The following CPQ variants were observed in gnomAD, a reference collection of about 807,000 sequenced individuals.
The protein encoded by CPQ is Ser-Met dipeptidase.
A neutral mutation model predicts 45.7 loss-of-function variants in CPQ; 37 were observed. The ratio of observed to expected loss-of-function variants is 0.81; its 90% confidence interval spans 0.62 to 1.07. The LOEUF (loss-of-function observed/expected upper bound fraction) is 1.07. Ranked by LOEUF, CPQ falls within the 50% of genes least tolerant of loss-of-function variation. The probability of loss-of-function intolerance (pLI) is 0.00; values close to 1 mark genes in which losing one functional copy is unlikely to be tolerated. For missense variants in CPQ, 537 were observed against 572.9 expected (o/e 0.94, Z 0.64); for synonymous variants, 186 against 205.8 (o/e 0.90, Z 0.82).
intron 6 of CPQ, among the ~76,000 whole-genome samples, chr8:97,043,982 G>A (rs1449505158): frequency 6.6e-6 from 1 of 152,124 alleles, no homozygotes; most frequent in East Asian, 1.9e-4. Context: ...TCTTCTCAAG[G>A]AGTATCTTTG....
chr8:96,866,176 C>T, intron 3 of CPQ, among the ~76,000 whole-genome samples: 1 of 151,992 alleles, frequency 6.6e-6, no homozygotes, highest in Non-Finnish European at 1.5e-5. Flanking sequence ...TTAATTTAAC[C>T]CATGAGTCCT....
intron 3 of CPQ, among the ~76,000 whole-genome samples, chr8:96,854,557 A>AAAAAAAAAAAAAAAAAAAAC (rs1554573253): frequency 1.3e-5 from 1 of 76,866 alleles, no homozygotes; most frequent in African/African-American, 5.0e-5. Flanking sequence ...AAAAAAAAAA[A>AAAAAAAAAAAAAAAAAAAAC]AATGTGGTGG....
intron 4 of CPQ, among the ~76,000 whole-genome samples, chr8:96,900,498 A>G (rs1274986277): frequency 1.3e-5 from 2 of 152,202 alleles, no homozygotes; most frequent in East Asian, 3.8e-4. Context: ...ATCGATAGAT[A>G]GTTGTTTGTA....
At chr8:97,092,165 G>A (rs1039095764) in intron 7 of CPQ, among the ~76,000 whole-genome samples, 2 of 152,270 alleles carry the variant, frequency 1.3e-5, no homozygotes, top group East Asian at 3.9e-4. Flanking sequence ...AGGGGAAAAT[G>A]TATGGGATGA....
chr8:96,971,097 T>C (rs999848763), intron 5 of CPQ, among the ~76,000 whole-genome samples: 1 of 152,214 alleles, frequency 6.6e-6, no homozygotes, highest in African/African-American at 2.4e-5. Context: ...CCCTGCGGCA[T>C]TTTTTGAGGT....
chr8:96,777,741 TATATATATATATATA>T (rs1810626533), intron 1 of CPQ, among the ~76,000 whole-genome samples: 1 of 11,024 alleles, frequency 9.1e-5, no homozygotes, highest in African/African-American at 3.3e-4. Flanking sequence ...TATATATATA[TATATATATATATATA>T]TATATTTTTT....
chr8:96,902,476 T>G lies in CPQ; in HGVS notation c.849+22471T>G, dbSNP rs1812523961. ...CATGTACCTGTTTCTGAGGCAGAGG[T>G]TCTCATGTATTATAAATTTCCTTGA... is the stretch of plus-strand genomic sequence containing the variant. On this transcript the variant is annotated intron_variant, in intron 4 of 7. Transcript: ENST00000220763. Among the ~76,000 whole-genome samples, 2 of 152,072 alleles carry G rather than the reference T, an allele frequency of 1.3e-5. 1 individual carries two copies. The highest frequency in any genetic ancestry group is 4.1e-4 in the South Asian group (2 of 4,836).
chr8:97,053,729 A>G (rs550386427), intron 6 of CPQ, among the ~76,000 whole-genome samples: 5 of 152,344 alleles, frequency 3.3e-5, no homozygotes, highest in Admixed American at 3.3e-4. Context: ...ATCTGAATCA[A>G]CTTTCTAAAA....
intron 5 of CPQ, among the ~76,000 whole-genome samples, chr8:97,001,559 T>G: frequency 6.6e-6 from 1 of 152,092 alleles, no homozygotes; most frequent in East Asian, 1.9e-4. Flanking sequence ...TTGATTTGCA[T>G]ATGTTGAACC....
chr8:96,839,624 G>A (rs1373055198), intron 3 of CPQ, among the ~76,000 whole-genome samples: 1 of 152,118 alleles, frequency 6.6e-6, no homozygotes, highest in Non-Finnish European at 1.5e-5. Context: ...TTTCTTGAGA[G>A]CTTCCTAGTT....
At chr8:97,112,942 C>T (rs369533411) in intron 7 of CPQ, among the ~76,000 whole-genome samples, 5 of 152,298 alleles carry the variant, frequency 3.3e-5, no homozygotes, top group African/African-American at 4.8e-5. Flanking sequence ...GAAGCCATTT[C>T]GGGGATAGTT....
chr8:96,781,705 A>G (rs941246214), intron 1 of CPQ, among the ~76,000 whole-genome samples: 2 of 152,214 alleles, frequency 1.3e-5, no homozygotes, highest in Non-Finnish European at 2.9e-5. Context: ...AGTCTTGTCT[A>G]AATCAGATAT....
chr8:96,745,548 A>T (rs1452448454), intron 1 of CPQ, among the ~76,000 whole-genome samples: 3 of 152,196 alleles, frequency 2.0e-5, no homozygotes, highest in Non-Finnish European at 4.4e-5. Flanking sequence ...TAATTCATAC[A>T]ACAAACCACT....
chr8:96,792,004 A>G (rs2130815054), intron 2 of CPQ, among the ~76,000 whole-genome samples: 1 of 152,288 alleles, frequency 6.6e-6, no homozygotes, highest in African/African-American at 2.4e-5. Context: ...GATGGAGTAG[A>G]TTCTTTGTTT....
intron 4 of CPQ, among the ~76,000 whole-genome samples, chr8:96,883,757 T>G (rs967801113): frequency 7.0e-4 from 106 of 152,308 alleles, no homozygotes; most frequent in Admixed American, 3.5e-3. Flanking sequence ...ACTGCTTTGA[T>G]AACATTCCCC....
At chr8:96,859,534 C>T (rs956004960) in intron 3 of CPQ, among the ~76,000 whole-genome samples, 1 of 152,110 alleles carries the variant, frequency 6.6e-6, no homozygotes, top group African/African-American at 2.4e-5. Flanking sequence ...GGCAAGTGTC[C>T]CTGAAGTTGG....
At chr8:96,988,928 T>C (rs891741705) in intron 5 of CPQ, among the ~76,000 whole-genome samples, 16 of 152,324 alleles carry the variant, frequency 1.1e-4, no homozygotes, top group Admixed American at 3.9e-4. Flanking sequence ...AGGAAATACA[T>C]CTTGACCAAA....
chr8:96,839,630 TA>T (rs1172943096), intron 3 of CPQ, among the ~76,000 whole-genome samples: 1 of 152,234 alleles, frequency 6.6e-6, no homozygotes, highest in Non-Finnish European at 1.5e-5. Context: ...GAGAGCTTCC[TA>T]GTTGCTCAGA....
intron 5 of CPQ, among the ~76,000 whole-genome samples, chr8:96,999,705 G>T (rs1461622841): frequency 6.6e-6 from 1 of 151,992 alleles, no homozygotes; most frequent in Admixed American, 6.6e-5. Flanking sequence ...GAACATATGT[G>T]TATGTGTCTT....
Sources: allele counts gnomAD v4.1 joint callset (sites outside exome capture counted in the v4.1 genomes callset), GRCh38; gene constraint gnomAD v4.1.1; transcripts MANE v1.5; gene names NCBI Gene and HGNC (gene_info 2026-07-23, HGNC 2026-07-21).